Variants in GDNF observed in about 807,000 individuals in gnomAD.
GDNF encodes the protein glial cell line-derived neurotrophic factor.
Under a neutral mutation model 13.7 loss-of-function variants are expected in GDNF, and 5 were observed. The ratio of observed to expected loss-of-function variants is 0.36; its 90% CI spans 0.19 to 0.77. GDNF has a LOEUF of 0.77. GDNF is among the 30% of genes least tolerant of loss of function. GDNF has a pLI of 0.51. For synonymous variants in GDNF, 122 were observed against 112.5 expected, an observed-to-expected ratio of 1.08 and a Z score of -0.53; for missense variants, 246 against 274.3, an observed-to-expected ratio of 0.90 and a Z score of 0.73.
In GDNF at chr5:37,815,849, G is replaced by T. The variant is rs908721671; in HGVS notation, c.438C>A (p.Ser146Arg). 7 of 1,613,832 alleles carry T rather than the reference G, an allele frequency of 4.3e-6. No individual in the cohort carries two copies. The highest frequency in any genetic ancestry group is 5.9e-6 in the Non-Finnish European group (7 of 1,179,904). Residue 146 changes from serine (S) to arginine (R), a missense_variant, in exon 3 of 3, where the codon AGC becomes AGA. Physicochemically the swap from Ser to Arg is moderately radical, Grantham distance 110. Coordinates refer to ENST00000326524, the MANE Select transcript of GDNF (RefSeq NM_000514.4). This position sits in a 1 kb window ranked among gnomAD's most constrained non-coding sequence, Gnocchi z 5.0. ...TKEELIFRYC[S>R]GSCDAAETTY... ...TTGTCTCAGCTGCATCGCAAGAGCC[G>T]CTGCAGTACCTAAAAATCAGTTCCT...
chr5:37,818,556 AG>A (rs1038514728), intron 2 of GDNF, among the ~76,000 whole-genome samples: 6 of 152,290 alleles, frequency 3.9e-5, no homozygotes, highest in African/African-American at 1.4e-4. Context: ...CATAGCAGTA[AG>A]AAAACAGACT....
chr5:37,823,806 C>A (rs780451184), intron 2 of GDNF, among the ~76,000 whole-genome samples: 4 of 152,214 alleles, frequency 2.6e-5, no homozygotes, highest in Non-Finnish European at 5.9e-5. Context: ...CCTTTTCCAG[C>A]TCCAAAATGC....
rs1750807304 is a variant in GDNF, at chr5:37,839,064, C to T, written c.-27+443G>A. Among the ~76,000 whole-genome samples, 2 of 152,146 alleles carry T rather than the reference C, an allele frequency of 1.3e-5. No homozygotes were observed. The highest frequency in any genetic ancestry group is 1.3e-4 in the Admixed American group (2 of 15,286). Reference sequence around the variant, plus strand: ...GCCTGCGCTTTTCCTTGGCACAGATCAAAACAAGCTCAATAGTAAGTTGCA... The same window carrying T: ...GCCTGCGCTTTTCCTTGGCACAGATTAAAACAAGCTCAATAGTAAGTTGCA... On this transcript the variant is annotated intron_variant, in intron 1 of 2. Coordinates refer to ENST00000326524, the MANE Select transcript of GDNF (RefSeq NM_000514.4). This position sits in a 1 kb window ranked among gnomAD's most constrained non-coding sequence, Gnocchi z 5.5.
At chr5:37,816,488 C>T (rs1749934086) in intron 2 of GDNF, among the ~76,000 whole-genome samples, 1 of 152,224 alleles carries the variant, frequency 6.6e-6, no homozygotes, top group Non-Finnish European at 1.5e-5. Context: ...CCTAGTCACA[C>T]AACCTAGAGT....
chr5:37,817,625 G>T (rs552732775), intron 2 of GDNF, among the ~76,000 whole-genome samples: 1 of 151,848 alleles, frequency 6.6e-6, no homozygotes, highest in Admixed American at 6.6e-5. Context: ...GTGTGTGTGT[G>T]TGTGTAATAT....
chr5:37,816,045 T>C lies in GDNF; in HGVS notation c.242A>G (p.Lys81Arg). The C allele has an allele frequency of 1.2e-6, 2 of 1,613,568 alleles. No individual in the cohort carries two copies. Among genetic ancestry groups the C allele is most frequent in the Non-Finnish European group, 1.7e-6 (2 of 1,179,570 alleles). ...TIKRLKRSPD[K>R]QMAVLPRRER... ...TCTTCTAGGAAGCACTGCCATTTGT[T>C]TATCTGGTGACCTTTTCAGTCTTTT... is the stretch of plus-strand genomic sequence containing the variant. The change falls in exon 3 of 3, where the codon AAA becomes AGA. Residue 81 changes from lysine (K) to arginine (R), a missense_variant. Transcript: ENST00000326524.
intron 1 of GDNF, chr5:37,835,469 C>A: frequency 6.8e-7 from 1 of 1,465,198 alleles, no homozygotes; most frequent in East Asian, 2.5e-5. Flanking sequence ...TTAGCAGGGA[C>A]TTGGAGACTT....
At chr5:37,822,774 A>G (rs1314276869) in intron 2 of GDNF, among the ~76,000 whole-genome samples, 1 of 152,236 alleles carries the variant, frequency 6.6e-6, no homozygotes, top group Non-Finnish European at 1.5e-5. Context: ...GCGTCTACAC[A>G]CAGAGACACA....
At chr5:37,817,468 A>G (rs1581576423) in intron 2 of GDNF, among the ~76,000 whole-genome samples, 1 of 152,198 alleles carries the variant, frequency 6.6e-6, no homozygotes, top group Non-Finnish European at 1.5e-5. Flanking sequence ...GTATTAAAGC[A>G]TAGAAAGATT....
intron 2 of GDNF, among the ~76,000 whole-genome samples, chr5:37,830,017 T>C (rs190398795): frequency 6.6e-6 from 1 of 152,236 alleles, no homozygotes; most frequent in Non-Finnish European, 1.5e-5. Flanking sequence ...CCCTAAGCGA[T>C]AAGACACAAC....
In GDNF at chr5:37,813,127, G is replaced by A. The variant is rs1400098294; in HGVS notation, c.*2524C>T. ...CTCCACGAATGACTGGATGGCTGGG[G>A]TTTGTCACTGTTTCGAGCAGTCTGA... On this transcript the variant is annotated 3_prime_UTR_variant, in exon 3 of 3. Transcript: ENST00000326524. 3 of 152,268 alleles carry A rather than the reference G, an allele frequency of 2.0e-5. No homozygotes were observed. The highest frequency in any genetic ancestry group is 2.9e-5 in the Non-Finnish European group (2 of 68,112). 9.4% of individuals were successfully genotyped at this position (152,268 alleles called of 1,614,324 possible). A position where few individuals can be genotyped will look rare whatever the true frequency, so the allele number is the denominator to read the frequency against.
At chr5:37,830,978 GTAA>G (rs2111703857) in intron 2 of GDNF, among the ~76,000 whole-genome samples, 1 of 152,306 alleles carries the variant, frequency 6.6e-6, no homozygotes, top group East Asian at 1.9e-4. Flanking sequence ...CTCTCACTTA[GTAA>G]TATTGTGAAT....
chr5:37,836,317 A>T (rs1337252327), intron 1 of GDNF, among the ~76,000 whole-genome samples: 4 of 151,974 alleles, frequency 2.6e-5, no homozygotes, highest in Non-Finnish European at 5.9e-5. Flanking sequence ...TCCAGTCCTC[A>T]TCTCTACCCG....
intron 2 of GDNF, among the ~76,000 whole-genome samples, chr5:37,817,767 A>C (rs1376896125): frequency 1.3e-5 from 2 of 152,206 alleles, no homozygotes; most frequent in Non-Finnish European, 2.9e-5. Flanking sequence ...CACTGGCTGA[A>C]GCCCTGTCAC....
intron 2 of GDNF, among the ~76,000 whole-genome samples, chr5:37,827,457 A>G (rs1330569223): frequency 1.3e-5 from 2 of 152,254 alleles, no homozygotes; most frequent in East Asian, 3.8e-4. Context: ...AAAGAGGTTA[A>G]TCTTAGTGAA....
At position 37,813,590 on chromosome 5, in the gene GDNF, G is replaced by T. The variant is rs1485350134; in HGVS notation, c.*2061C>A. 1 of 107,012 alleles carries T rather than the reference G, an allele frequency of 9.3e-6. No homozygotes were observed. Among genetic ancestry groups the T allele is most frequent in the Non-Finnish European group, 1.8e-5 (1 of 55,574 alleles). 6.6% of individuals were successfully genotyped at this position (107,012 alleles called of 1,614,324 possible). A position where few individuals can be genotyped will look rare whatever the true frequency, so the allele number is the denominator to read the frequency against. ...TTTTTTTTTTTTTTTTTTTGAGACA[G>T]GGTACCGCACTGTCACTTAGGCTGG... On this transcript the variant is annotated 3_prime_UTR_variant, in exon 3 of 3. Coordinates refer to ENST00000326524, the MANE Select transcript of GDNF (RefSeq NM_000514.4).
chr5:37,833,109 T>C (rs1750577562), intron 2 of GDNF, among the ~76,000 whole-genome samples: 1 of 152,246 alleles, frequency 6.6e-6, no homozygotes, highest in South Asian at 2.1e-4. Flanking sequence ...AGGGCACTAA[T>C]ACAGCAATTA....
rs557725937 is a variant in GDNF, at chr5:37,824,118, A to G, written c.152-7983T>C. 3.9e-6 allele frequency: 3 copies of G among 772,942 alleles called. No individual in the cohort carries two copies. The Admixed American group carries it at 1.9e-4, about 48-fold the overall frequency. The allele number at this position is 772,942 out of a possible 1,614,324, so 47.9% of individuals were successfully genotyped here. ...TTTAAGAGAGGTAAAAGATGTGTAG[A>G]AAGGGCCCTGTATCTGCATATGAAA... On this transcript the variant is annotated intron_variant, in intron 2 of 2. Transcript: ENST00000326524.
intron 2 of GDNF, among the ~76,000 whole-genome samples, chr5:37,816,702 T>C (rs1462375587): frequency 6.6e-6 from 1 of 152,118 alleles, no homozygotes; most frequent in Non-Finnish European, 1.5e-5. Context: ...GACACCGTCT[T>C]AGAGGGTGAA....
Sources: gnomAD v4.1 joint callset for allele counts (sites outside exome capture counted in the v4.1 genomes callset) on GRCh38, gnomAD v4.1.1 for gene constraint, Gnocchi (gnomAD v3.1) non-coding constraint, MANE v1.5 for transcripts, NCBI Gene and HGNC (gene_info 2026-07-23, HGNC 2026-07-21) for gene names.